The following SNX9 variants were observed in gnomAD, a reference collection of about 807,000 sequenced individuals.
The protein encoded by SNX9 is sorting nexin 9, also known as sorting nexin-9.
In SNX9, 44 loss-of-function variants were observed where a neutral mutation model predicts 89.4. The observed-to-expected ratio is 0.49, with a 90% CI of 0.39 to 0.63. The LOEUF (loss-of-function observed/expected upper bound fraction) is 0.63, where lower values mean the gene tolerates loss of function less well. SNX9 is among the 30% of genes least tolerant of loss of function. SNX9 has a pLI of 0.00. For synonymous variants in SNX9, 236 were observed against 247.8 expected (o/e 0.95, Z 0.45); for missense variants, 578 against 736.1 (o/e 0.79, Z 2.49).
chr6:157,834,116 G>A (rs980925380), intron 1 of SNX9, among the ~76,000 whole-genome samples: 5 of 135,760 alleles, frequency 3.7e-5, no homozygotes, highest in African/African-American at 1.1e-4. Flanking sequence ...TGATCTGATC[G>A]GATTTTGGAT....
intron 9 of SNX9, among the ~76,000 whole-genome samples, chr6:157,914,126 G>A (rs1783408552): frequency 1.3e-5 from 2 of 152,158 alleles, no homozygotes; most frequent in African/African-American, 2.4e-5. Context: ...GAGAGTATCA[G>A]TAGTAGTTCC....
rs138711054 is a variant in SNX9, at chr6:157,939,144, GA to G, written c.1648+407del. Among the ~76,000 whole-genome samples the G allele has an allele frequency of 1.6e-3, 237 of 148,082 alleles. 1 individual carries two copies. The highest frequency in any genetic ancestry group is 6.8e-3 in the Middle Eastern group (2 of 292). On this transcript the variant is annotated intron_variant, in intron 16 of 17. Coordinates refer to ENST00000392185, the MANE Select transcript of SNX9 (RefSeq NM_016224.5). The stretch of plus-strand genomic sequence containing the variant: ...TTTAGGCACAATTTTTTTGTGTCAA[GA>G]AAAAAAAAAGATGAATTTCTATAGG...
chr6:157,896,706 T>A (rs1441641568), intron 4 of SNX9, 121 bp from the exon 5 acceptor site: 2 of 1,131,742 alleles, frequency 1.8e-6, no homozygotes, highest in African/African-American at 3.2e-5. Flanking sequence ...TTGTTTTGAA[T>A]ACATTTCTAT....
intron 4 of SNX9, among the ~76,000 whole-genome samples, chr6:157,891,135 G>A (rs1012652393): frequency 2.0e-5 from 3 of 147,774 alleles, no homozygotes; most frequent in Non-Finnish European, 3.0e-5. Flanking sequence ...AGGTTCAAGC[G>A]ATTCTCCTGC....
chr6:157,866,440 G>A (rs1265158767), intron 1 of SNX9, among the ~76,000 whole-genome samples: 1 of 152,158 alleles, frequency 6.6e-6, no homozygotes, highest in Non-Finnish European at 1.5e-5. Context: ...TGGGCAGGGT[G>A]GCATGTGCCA....
chr6:157,897,707 G>A (rs990214077), intron 5 of SNX9, among the ~76,000 whole-genome samples: 2 of 152,096 alleles, frequency 1.3e-5, no homozygotes, highest in Non-Finnish European at 2.9e-5. Context: ...TTAGAGGCAA[G>A]GTTTCACCAT....
chr6:157,873,996 C>G (rs1449914621), intron 3 of SNX9: 4 of 152,212 alleles, frequency 2.6e-5, no homozygotes, highest in Admixed American at 2.6e-4. Flanking sequence ...TGTTGGGTGA[C>G]AGAAAGAAGC....
chr6:157,929,172 T>C (rs1462594102), intron 12 of SNX9, among the ~76,000 whole-genome samples: 2 of 152,174 alleles, frequency 1.3e-5, no homozygotes, highest in Non-Finnish European at 2.9e-5. Context: ...CAGTCACGGC[T>C]TTCTGACCAC....
intron 7 of SNX9, among the ~76,000 whole-genome samples, chr6:157,906,601 C>T (rs1468644464): frequency 6.6e-6 from 1 of 152,160 alleles, no homozygotes; most frequent in African/African-American, 2.4e-5. Context: ...GGTACCCTTT[C>T]AGATATATGG....
chr6:157,934,138 A>C (rs1335566847), intron 13 of SNX9: 1 of 152,208 alleles, frequency 6.6e-6, no homozygotes, highest in Admixed American at 6.5e-5. Context: ...ATTCCTGGAA[A>C]TATTGTGATT....
chr6:157,888,326 T>TA (rs1421386880), intron 4 of SNX9, among the ~76,000 whole-genome samples: 1 of 152,234 alleles, frequency 6.6e-6, no homozygotes, highest in Non-Finnish European at 1.5e-5. Context: ...CTGTGCTGCT[T>TA]ATAGTTATTT....
intron 10 of SNX9, among the ~76,000 whole-genome samples, chr6:157,924,847 C>T (rs1638685097): frequency 6.6e-6 from 1 of 152,126 alleles, no homozygotes; most frequent in South Asian, 2.1e-4. Flanking sequence ...TTATACTTTT[C>T]TTCTTTTGTA....
intron 17 of SNX9, 24 bp from the exon 18 acceptor site, chr6:157,942,764 CGTT>C: frequency 1.2e-6 from 2 of 1,612,622 alleles, no homozygotes; most frequent in Admixed American, 3.3e-5. Flanking sequence ...GATATCTCAA[CGTT>C]GTTTTGTTTT....
chr6:157,926,622 A>T (rs1180495060), intron 10 of SNX9, among the ~76,000 whole-genome samples: 1 of 151,902 alleles, frequency 6.6e-6, no homozygotes, highest in East Asian at 1.9e-4. Flanking sequence ...TCTCTACAAA[A>T]AATACAAAAA....
At chr6:157,939,306 T>C (rs1032303018) in intron 16 of SNX9, among the ~76,000 whole-genome samples, 1 of 152,172 alleles carries the variant, frequency 6.6e-6, no homozygotes, top group Admixed American at 6.5e-5. Context: ...GGTGCTAGAT[T>C]GTGTCATGGG....
At chr6:157,852,916 C>T (rs1043225693) in intron 1 of SNX9, among the ~76,000 whole-genome samples, 4 of 152,094 alleles carry the variant, frequency 2.6e-5, no homozygotes, top group Non-Finnish European at 4.4e-5. Context: ...ATTATAGACT[C>T]CAGAATATGT....
chr6:157,865,792 G>A (rs747161017), intron 1 of SNX9, among the ~76,000 whole-genome samples: 22 of 152,040 alleles, frequency 1.4e-4, no homozygotes, highest in Admixed American at 1.4e-3. Flanking sequence ...ATAATTTCAG[G>A]CATCATTAAG....
intron 7 of SNX9, among the ~76,000 whole-genome samples, 171 bp from the exon 8 acceptor site, chr6:157,909,494 T>C (rs565147623): frequency 6.6e-6 from 1 of 152,310 alleles, no homozygotes; most frequent in South Asian, 2.1e-4. Flanking sequence ...TTAAACATAA[T>C]ATCTAACAGG....
intron 1 of SNX9, among the ~76,000 whole-genome samples, chr6:157,844,587 G>GTTTTTTTGT (rs1554291784): frequency 2.4e-4 from 31 of 130,284 alleles, no homozygotes; most frequent in South Asian, 1.0e-3. Flanking sequence ...GCTAATCCTT[G>GTTTTTTTGT]TTTTTTTTTT....
Sources: allele counts gnomAD v4.1 joint callset (sites outside exome capture counted in the v4.1 genomes callset), GRCh38; gene constraint gnomAD v4.1.1; transcripts MANE v1.5; gene names NCBI Gene and HGNC (gene_info 2026-07-23, HGNC 2026-07-21).